LMNB1: variants seen among roughly 807,000 people sequenced by gnomAD.
The protein encoded by LMNB1 is lamin-B1.
LMNB1 carries 23 observed loss-of-function variants against 67.1 expected under a neutral mutation model. That is an observed-to-expected ratio of 0.34 (90% CI 0.25 to 0.49). The LOEUF (loss-of-function observed/expected upper bound fraction) is 0.49. Among genes scored for constraint, LMNB1 ranks in the 20% least tolerant of loss-of-function variants. LMNB1 has a pLI of 0.99. For synonymous variants in LMNB1, 281 were observed against 282.9 expected (o/e 0.99, Z 0.07); for missense variants, 634 against 746.5 (o/e 0.85, Z 1.76).
chr5:126,800,765 G>A (rs1472494424), intron 1 of LMNB1, among the ~76,000 whole-genome samples: 3 of 139,844 alleles, frequency 2.1e-5, no homozygotes, highest in East Asian at 2.2e-4. Flanking sequence ...CGATTCTCCC[G>A]CCTCAGCCTC....
At chr5:126,788,648 G>C (rs762745023) in intron 1 of LMNB1, among the ~76,000 whole-genome samples, 13 of 152,068 alleles carry the variant, frequency 8.5e-5, no homozygotes, top group Admixed American at 2.0e-4. Context: ...GGGACACTTC[G>C]TCCTAAAAGG....
chr5:126,782,436 A>G (rs959956858), intron 1 of LMNB1, among the ~76,000 whole-genome samples: 1 of 152,258 alleles, frequency 6.6e-6, no homozygotes, highest in Non-Finnish European at 1.5e-5. Flanking sequence ...AAGTGGAGAA[A>G]GACAGATTGA....
rs1212739115 is a variant in LMNB1 at position 126,805,571 on chromosome 5, T to C, written c.517T>C (p.Leu173=). 2.5e-6 allele frequency: 4 copies of C among 1,596,982 alleles called. No individual in the cohort carries two copies. Among genetic ancestry groups the C allele is most frequent in the Admixed American group, 3.4e-5 (2 of 58,620 alleles). Reference sequence around the variant, plus strand: ...TCACAATTCTTTTTCCTTGTAATAGTTGGAAGCCTCCTTAGCTGCAGCCAA... The same window carrying C: ...TCACAATTCTTTTTCCTTGTAATAGCTGGAAGCCTCCTTAGCTGCAGCCAA... ...LEDLKDQIAQ[L]EASLAAAKKQ... is the part of the protein sequence containing the mutation. Residue 173 remains leucine (L), a splice_region_variant and synonymous_variant, in exon 3 of 11, where the codon TTG becomes CTG. Transcript: ENST00000261366.
Position 126,789,226 on chromosome 5 carries a change from T to C in LMNB1, c.359+11359T>C, listed in dbSNP as rs370756221. Among the ~76,000 whole-genome samples, 177 of 152,254 alleles carry C rather than the reference T, an allele frequency of 1.2e-3. 4 individuals are homozygous for C. In the South Asian group the frequency reaches 0.036, roughly 31 times the overall value. ...TTAAGGGTCAATTTAAACTAGATTC[T>C]TACTCAGTGTTTATGTAACAAAACA... is the stretch of plus-strand genomic sequence containing the variant. On this transcript the variant is annotated intron_variant, in intron 1 of 10. Coordinates refer to ENST00000261366, the MANE Select transcript of LMNB1 (RefSeq NM_005573.4).
At chr5:126,817,070 G>C (rs889652035) in intron 5 of LMNB1, among the ~76,000 whole-genome samples, 1 of 74,130 alleles carries the variant, frequency 1.3e-5, no homozygotes, top group African/African-American at 4.4e-5. Context: ...TCCATTCCCC[G>C]TTTGTTTGGT....
chr5:126,805,371 G>A (rs58436218), intron 2 of LMNB1, among the ~76,000 whole-genome samples, 200 bp from the exon 3 acceptor site: 1 of 152,296 alleles, frequency 6.6e-6, no homozygotes, highest in African/African-American at 2.4e-5. Context: ...CAATTTGACT[G>A]GTCGTTTGGT....
At chr5:126,836,079 T>C in intron 10 of LMNB1, 144 bp from the exon 11 acceptor site, 1 of 648,908 alleles carries the variant, frequency 1.5e-6, no homozygotes, top group South Asian at 2.0e-5. Flanking sequence ...AAGAAAAGGT[T>C]AGAAAAGATG....
intron 1 of LMNB1, among the ~76,000 whole-genome samples, chr5:126,781,117 C>T (rs948539029): frequency 1.3e-4 from 20 of 152,032 alleles, no homozygotes; most frequent in East Asian, 3.9e-4. Context: ...GGCGAGACCC[C>T]GTCTCTACTA....
intron 3 of LMNB1, among the ~76,000 whole-genome samples, chr5:126,805,961 T>C (rs1441725933): frequency 6.6e-6 from 1 of 152,160 alleles, no homozygotes; most frequent in Non-Finnish European, 1.5e-5. Context: ...TGTTTTTTTG[T>C]TTTTGTTTTT....
Position 126,809,027 on chromosome 5 carries a change from C to A in LMNB1, c.643-1153C>A, listed in dbSNP as rs528879661. Among the ~76,000 whole-genome samples, 3 of 152,230 alleles carry A rather than the reference C, an allele frequency of 2.0e-5. No homozygotes were observed. The South Asian group carries it at 6.2e-4, about 32-fold the overall frequency. On this transcript the variant is annotated intron_variant, in intron 3 of 10. Transcript: ENST00000261366. ...AGTAGCTGGGATTACAGGCACCCTC[C>A]ATCATGGCTGACTAATTTTTGTATT...
intron 1 of LMNB1, among the ~76,000 whole-genome samples, chr5:126,790,921 C>T (rs945169652): frequency 4.6e-5 from 7 of 151,794 alleles, no homozygotes; most frequent in East Asian, 1.9e-4. Flanking sequence ...CTCAGGAGGC[C>T]GAGGCAAGGG....
chr5:126,794,466 A>C (rs1452544930), intron 1 of LMNB1, among the ~76,000 whole-genome samples: 2 of 152,202 alleles, frequency 1.3e-5, no homozygotes, highest in Non-Finnish European at 2.9e-5. Context: ...TTTTACTTTA[A>C]ATTGAAAATA....
At chr5:126,815,183 G>A (rs1751677860) in intron 5 of LMNB1, 1 of 152,108 alleles carries the variant, frequency 6.6e-6, no homozygotes, top group Non-Finnish European at 1.5e-5. Flanking sequence ...TTGTTGCTGA[G>A]TCATATCAGT....
At chr5:126,811,138 G>A (rs1751569495) in intron 4 of LMNB1, among the ~76,000 whole-genome samples, 1 of 152,216 alleles carries the variant, frequency 6.6e-6, no homozygotes, top group Non-Finnish European at 1.5e-5. Context: ...AACTTCAGTT[G>A]TATAACATTT....
At position 126,814,256 on chromosome 5, in the gene LMNB1, T is replaced by A. The variant is rs149359702; in HGVS notation, c.939+2358T>A. ...GGGCCTCTCTGTTCTTGTACTGAGT[T>A]GGCATTTACTACTCTTTTCCATTTA... On this transcript the variant is annotated intron_variant, in intron 5 of 10. Coordinates refer to ENST00000261366, the MANE Select transcript of LMNB1 (RefSeq NM_005573.4). Among the ~76,000 whole-genome samples, 617 of 152,354 alleles carry A rather than the reference T, an allele frequency of 4.0e-3. 10 individuals are homozygous for A. Among genetic ancestry groups the A allele is most frequent in the African/African-American group, 0.014 (591 of 41,586 alleles).
chr5:126,778,249 TCGCGTG>T (rs1750527232), intron 1 of LMNB1, among the ~76,000 whole-genome samples: 1 of 151,374 alleles, frequency 6.6e-6, no homozygotes, highest in South Asian at 2.1e-4. Context: ...GAGCGCGCGC[TCGCGTG>T]CGCGCCCCAG....
intron 1 of LMNB1, among the ~76,000 whole-genome samples, chr5:126,790,102 C>A (rs1413016307): frequency 6.6e-6 from 1 of 152,152 alleles, no homozygotes; most frequent in South Asian, 2.1e-4. Flanking sequence ...CTGAGCCCGG[C>A]CTTATTTTAT....
chr5:126,786,703 C>T (rs927694566), intron 1 of LMNB1, among the ~76,000 whole-genome samples: 1 of 152,164 alleles, frequency 6.6e-6, no homozygotes, highest in Non-Finnish European at 1.5e-5. Flanking sequence ...AGTTGATTTT[C>T]AGATCCCTTT....
chr5:126,829,922 C>T (rs1752090770), intron 9 of LMNB1, among the ~76,000 whole-genome samples: 1 of 151,888 alleles, frequency 6.6e-6, no homozygotes, highest in African/African-American at 2.4e-5. Flanking sequence ...TTAAAAACAG[C>T]GATTGTCACC....
Sources: allele counts gnomAD v4.1 joint callset (sites outside exome capture counted in the v4.1 genomes callset), GRCh38; gene constraint gnomAD v4.1.1; transcripts MANE v1.5; gene names NCBI Gene and HGNC (gene_info 2026-07-23, HGNC 2026-07-21).